Variants in TMEM245 observed in about 807,000 individuals in gnomAD.
The protein encoded by TMEM245 is transmembrane protein 245.
Under a neutral mutation model 101.2 loss-of-function variants are expected in TMEM245, and 69 were observed. That is an observed-to-expected ratio of 0.68 (90% confidence interval 0.56 to 0.83). The LOEUF is 0.83. TMEM245 is among the 40% of genes least tolerant of loss of function. The pLI is 0.00. For synonymous variants in TMEM245, 537 were observed against 449.8 expected (o/e 1.19, Z -2.45); for missense variants, 1,075 against 1,092.8 (o/e 0.98, Z 0.23).
chr9:109,093,440 A>G (rs1564202920), intron 4 of TMEM245, 35 bp downstream of exon 4: 1 of 1,558,620 alleles, frequency 6.4e-7, no homozygotes. Context: ...TTCATTTTCC[A>G]GAATAACCTT....
chr9:109,020,460 T>C lies in TMEM245; in HGVS notation c.2640A>G (p.Ter880TrpextTer31). The C allele has an allele frequency of 6.2e-6, 10 of 1,614,000 alleles. No individual in the cohort carries two copies. Among genetic ancestry groups the C allele is most frequent in the Non-Finnish European group, 8.5e-6 (10 of 1,179,918 alleles). ...ISEDLKSSVG[*>W] The stretch of plus-strand genomic sequence containing the variant: ...AAAAATCACTGCAGAGGAAACCACA[T>C]CAACCTACTGAAGATTTCAGATCTT... Residue 880 changes from the stop codon to tryptophan, a stop_lost, in exon 18 of 18, where the codon TGA (stop) becomes TGG (tryptophan). Coordinates refer to ENST00000374586, the MANE Select transcript of TMEM245 (RefSeq NM_032012.4).
At chr9:109,063,179 G>C (rs541971367) in intron 10 of TMEM245, among the ~76,000 whole-genome samples, 183 of 151,926 alleles carry the variant, frequency 1.2e-3, no homozygotes, top group African/African-American at 4.2e-3. Flanking sequence ...GAGTGCAGTG[G>C]CATGATCTCG....
chr9:109,087,957 G>A (rs1233148675), intron 5 of TMEM245, among the ~76,000 whole-genome samples: 1 of 152,188 alleles, frequency 6.6e-6, no homozygotes, highest in Non-Finnish European at 1.5e-5. Flanking sequence ...CCAAGGCTGT[G>A]CACGGCAACT....
intron 3 of TMEM245, among the ~76,000 whole-genome samples, chr9:109,105,723 T>A (rs1830393197): frequency 6.6e-6 from 1 of 152,098 alleles, no homozygotes; most frequent in Non-Finnish European, 1.5e-5. Context: ...AATGAAAATG[T>A]CTTGGAACTA....
intron 17 of TMEM245, among the ~76,000 whole-genome samples, chr9:109,026,704 A>C (rs2132285494): frequency 6.6e-6 from 1 of 151,376 alleles, no homozygotes; most frequent in East Asian, 1.9e-4. Context: ...TTATGTTAAA[A>C]TGTGATCCCT....
chr9:109,033,538 TG>T lies in TMEM245; in HGVS notation c.2400-38del, dbSNP rs1828029321. ...AGCACGACCTTTAACACACAAAAAC[TG>T]GAAAAAATCTGAAATACATTTCTAA... On this transcript the variant is annotated intron_variant, in intron 16 of 17. Coordinates refer to ENST00000374586, the MANE Select transcript of TMEM245 (RefSeq NM_032012.4). The T allele has an allele frequency of 3.0e-5, 45 of 1,524,106 alleles. 6 individuals are homozygous for T. The South Asian group carries it at 5.5e-4, about 18-fold the overall frequency. The allele number at this position is 1,524,106 out of a possible 1,614,324, so 94.4% of individuals were successfully genotyped here. A position where few individuals can be genotyped will look rare whatever the true frequency, so the allele number is the denominator to read the frequency against.
chr9:109,112,191 T>C (rs1830583651), intron 1 of TMEM245, among the ~76,000 whole-genome samples: 1 of 152,058 alleles, frequency 6.6e-6, no homozygotes, highest in South Asian at 2.1e-4. Context: ...GAAAACATTT[T>C]CTAAAAGGCA....
chr9:109,094,948 C>T (rs1383139273), intron 3 of TMEM245, among the ~76,000 whole-genome samples: 1 of 152,118 alleles, frequency 6.6e-6, no homozygotes, highest in African/African-American at 2.4e-5. Context: ...CCCAAATATC[C>T]AAAGCTAGCC....
chr9:109,059,199 G>C (rs1267996479), intron 11 of TMEM245, among the ~76,000 whole-genome samples: 14 of 152,124 alleles, frequency 9.2e-5, no homozygotes. Context: ...TACTCACCTA[G>C]ATATTCCCTG....
chr9:109,060,444 T>C lies in TMEM245; in HGVS notation c.1632A>G (p.Lys544=). Residue 544 remains lysine, a synonymous_variant, in exon 11 of 18, where the codon AAA becomes AAG. Transcript: ENST00000374586. ...GREWITHKLH[K]ILGDKVNNTA... ...TATTGTTCACCTTATCTCCTAGAAT[T>C]TTATGGAGCTAGAAAAAAACACAGA... The C allele has an allele frequency of 6.2e-7, 1 of 1,610,940 alleles. No individual in the cohort carries two copies.
intron 14 of TMEM245, among the ~76,000 whole-genome samples, chr9:109,050,066 T>G (rs1192660531): frequency 1.3e-5 from 2 of 152,220 alleles, no homozygotes; most frequent in Non-Finnish European, 2.9e-5. Flanking sequence ...TTGCTGGAAT[T>G]ACAGACATGA....
Position 109,049,906 on chromosome 9 carries a change from C to T in TMEM245, c.2123+377G>A, listed in dbSNP as rs117007596. On this transcript the variant is annotated intron_variant, in intron 14 of 17. Transcript: ENST00000374586. ...AGTTCCTCAAGCAAGCCTCTGGCCT[C>T]AGCCTCCCAAGTAGCTGGGGTTACA... is the stretch of plus-strand genomic sequence containing the variant. 3.9e-3 allele frequency among the ~76,000 whole-genome samples: 598 copies of T among 152,292 alleles called. 3 individuals carry two copies. Among genetic ancestry groups the T allele is most frequent in the South Asian group, 0.016 (79 of 4,826 alleles).
intron 17 of TMEM245, 30 bp from the exon 18 acceptor site, chr9:109,020,535 T>C: frequency 6.3e-7 from 1 of 1,597,432 alleles, no homozygotes; most frequent in Non-Finnish European, 8.6e-7. Flanking sequence ...AATGATTAGT[T>C]GATTACCATA....
rs1829824699 is a variant in TMEM245 at position 109,086,033 on chromosome 9, G to A, written c.1321-13C>T. 6.2e-7 allele frequency: 1 copy of A among 1,613,610 alleles called. No individual in the cohort carries two copies. The highest frequency in any genetic ancestry group is 8.5e-7 in the Non-Finnish European group (1 of 1,179,752). On this transcript the variant is annotated splice_polypyrimidine_tract_variant and intron_variant, in intron 6 of 17. Transcript: ENST00000374586. ...GCCAGTGCCAGAGCTTGAGGATAGG[G>A]GGTAAGGTGAGAAAGAGAAGATAAG...
At chr9:109,100,368 G>C (rs760252287) in intron 3 of TMEM245, among the ~76,000 whole-genome samples, 1 of 152,148 alleles carries the variant, frequency 6.6e-6, no homozygotes, top group Non-Finnish European at 1.5e-5. Flanking sequence ...CTGTAGCCCA[G>C]GCTGGAGTAC....
chr9:109,069,097 T>C (rs146109437), intron 9 of TMEM245, among the ~76,000 whole-genome samples: 76 of 152,334 alleles, frequency 5.0e-4, no homozygotes, highest in Middle Eastern at 3.4e-3. Context: ...GTCTTCCCTG[T>C]ATATGTCTTT....
intron 3 of TMEM245, 103 bp downstream of exon 3, chr9:109,106,405 G>C: frequency 1.6e-6 from 1 of 625,308 alleles, no homozygotes; most frequent in Non-Finnish European, 2.6e-6. Flanking sequence ...AACCATCATA[G>C]GTTTTTAAAT....
intron 2 of TMEM245, among the ~76,000 whole-genome samples, chr9:109,107,671 T>C (rs1470973300): frequency 8.5e-5 from 13 of 152,204 alleles, no homozygotes; most frequent in Admixed American, 8.5e-4. Context: ...TTTTTAACAA[T>C]AAGTAGTAGC....
chr9:109,090,215 C>T (rs142907435), intron 5 of TMEM245, among the ~76,000 whole-genome samples: 37 of 151,770 alleles, frequency 2.4e-4, no homozygotes, highest in African/African-American at 6.8e-4. Flanking sequence ...GAGCTGAGAT[C>T]GCGCCACTGC....
Sources: gnomAD v4.1 joint callset for allele counts (sites outside exome capture counted in the v4.1 genomes callset) on GRCh38, gnomAD v4.1.1 for gene constraint, MANE v1.5 for transcripts, NCBI Gene and HGNC (gene_info 2026-07-23, HGNC 2026-07-21) for gene names.